Variants in ABTB3 observed in about 807,000 individuals in gnomAD.
ABTB3 encodes the protein ankyrin repeat and BTB domain containing 3.
the ABTB3 span, among the ~76,000 whole-genome samples, chr12:107,618,877 T>C: frequency 6.6e-6 from 1 of 152,182 alleles, no homozygotes; most frequent in African/African-American, 2.4e-5. Context: ...GGCGCCCCTT[T>C]CTTACCACAA....
At chr12:107,642,099 A>G in the ABTB3 span, 1 of 1,613,478 alleles carries the variant, frequency 6.2e-7, no homozygotes. Flanking sequence ...GGTTCAAAGC[A>G]CTCCTCTCCA....
the ABTB3 span, among the ~76,000 whole-genome samples, chr12:107,601,340 G>A: frequency 6.6e-6 from 1 of 152,220 alleles, no homozygotes; most frequent in Non-Finnish European, 1.5e-5. Context: ...CTTGCTGGTA[G>A]AATTGCATAA....
chr12:107,469,665 G>A, the ABTB3 span, among the ~76,000 whole-genome samples: 2 of 152,242 alleles, frequency 1.3e-5, no homozygotes, highest in South Asian at 2.1e-4. Flanking sequence ...CACCTCATAG[G>A]GTGGTTGTGA....
At chr12:107,467,969 T>TC in the ABTB3 span, among the ~76,000 whole-genome samples, 1,675 of 152,058 alleles carry the variant, frequency 0.011, 35 homozygotes, top group African/African-American at 0.037. Context: ...GGCCCCCCTC[T>TC]CCCCATGTGC....
At chr12:107,545,680 ATAT>A in the ABTB3 span, among the ~76,000 whole-genome samples, 7 of 152,238 alleles carry the variant, frequency 4.6e-5, no homozygotes, top group Non-Finnish European at 1.5e-5. Context: ...TACGTTGTGC[ATAT>A]TTTCACGTGC....
chr12:107,639,796 T>C, the ABTB3 span, among the ~76,000 whole-genome samples: 2 of 152,248 alleles, frequency 1.3e-5, no homozygotes, highest in Admixed American at 6.5e-5. Context: ...GTAGGGATAA[T>C]GTGCAACCAG....
chr12:107,336,252 AGTCCT>A, the ABTB3 span, among the ~76,000 whole-genome samples: 1 of 152,370 alleles, frequency 6.6e-6, no homozygotes, highest in East Asian at 1.9e-4. Context: ...AGAAAGGATC[AGTCCT>A]GCATTCCCAA....
At chr12:107,484,596 A>G in the ABTB3 span, among the ~76,000 whole-genome samples, 2 of 117,720 alleles carry the variant, frequency 1.7e-5, no homozygotes, top group Non-Finnish European at 3.3e-5. Flanking sequence ...ATCTGATCTG[A>G]CTTTTTTTTT....
At chr12:107,415,969 G>C in the ABTB3 span, among the ~76,000 whole-genome samples, 1 of 151,244 alleles carries the variant, frequency 6.6e-6, no homozygotes, top group Non-Finnish European at 1.5e-5. Context: ...TATGGAATTT[G>C]AAAGAAAAAA....
the ABTB3 span, among the ~76,000 whole-genome samples, chr12:107,622,006 C>T: frequency 4.6e-5 from 7 of 152,032 alleles, no homozygotes; most frequent in Non-Finnish European, 1.0e-4. Context: ...TTTGGGAGGC[C>T]GAGGTGGGAG....
At chr12:107,374,246 T>A in the ABTB3 span, among the ~76,000 whole-genome samples, 5 of 152,152 alleles carry the variant, frequency 3.3e-5, no homozygotes, top group Admixed American at 6.5e-5. Flanking sequence ...GTCCTTTCCT[T>A]TTTCTACTTC....
chr12:107,570,797 C>G, the ABTB3 span, among the ~76,000 whole-genome samples: 4 of 152,322 alleles, frequency 2.6e-5, no homozygotes, highest in Middle Eastern at 3.4e-3. Flanking sequence ...GCATTGCCTC[C>G]TACCAGTCCC....
the ABTB3 span, among the ~76,000 whole-genome samples, chr12:107,597,484 A>C: frequency 1.9e-4 from 29 of 152,328 alleles, no homozygotes; most frequent in African/African-American, 7.0e-4. Context: ...TCACCTCTGC[A>C]ATAACTAGCC....
chr12:107,586,728 G>A, the ABTB3 span, among the ~76,000 whole-genome samples: 2 of 152,184 alleles, frequency 1.3e-5, no homozygotes, highest in South Asian at 2.1e-4. Flanking sequence ...AAGGAGCCAG[G>A]CTAGTACCTT....
the ABTB3 span, among the ~76,000 whole-genome samples, chr12:107,572,640 C>T: frequency 6.6e-6 from 1 of 152,104 alleles, no homozygotes; most frequent in East Asian, 1.9e-4. Context: ...TGCCTAAATA[C>T]CGATGGGAAA....
chr12:107,470,002 T>C, the ABTB3 span, among the ~76,000 whole-genome samples: 89 of 56,716 alleles, frequency 1.6e-3, no homozygotes, highest in African/African-American at 7.2e-3. Context: ...CTTTCTTTCT[T>C]TCTTTCTTTC....
chr12:107,354,752 C>T, the ABTB3 span, among the ~76,000 whole-genome samples: 4 of 152,252 alleles, frequency 2.6e-5, no homozygotes, highest in Admixed American at 2.0e-4. Flanking sequence ...CACATGCTTG[C>T]CGAACACTTG....
the ABTB3 span, among the ~76,000 whole-genome samples, chr12:107,480,897 G>A: frequency 6.6e-6 from 1 of 152,178 alleles, no homozygotes; most frequent in Non-Finnish European, 1.5e-5. Flanking sequence ...ACAGTAAAGA[G>A]AAGAAAAGAG....
At chr12:107,452,516 C>T in the ABTB3 span, among the ~76,000 whole-genome samples, 1 of 150,810 alleles carries the variant, frequency 6.6e-6, no homozygotes, top group East Asian at 2.0e-4. Context: ...ATGAAACTTA[C>T]AGTGTCTAGG....
Sources: gnomAD v4.1 joint callset for allele counts (sites outside exome capture counted in the v4.1 genomes callset) on GRCh38, gnomAD v4.1.1 for gene constraint, MANE v1.5 for transcripts, NCBI Gene and HGNC (gene_info 2026-07-23, HGNC 2026-07-21) for gene names.